TNS3: variants seen among roughly 807,000 people sequenced by gnomAD.
The protein encoded by TNS3 is tensin 3.
A neutral mutation model predicts 140.9 loss-of-function variants in TNS3; 45 were observed. The ratio of observed to expected loss-of-function variants is 0.32; its 90% CI spans 0.25 to 0.41. The LOEUF is 0.41. Among genes scored for constraint, TNS3 ranks in the 10% least tolerant of loss-of-function variants. TNS3 has a pLI of 1.00. For missense variants in TNS3, 1,716 were observed against 1,906.7 expected, an observed-to-expected ratio of 0.90 and a Z score of 1.86; for synonymous variants, 815 against 788.4, an observed-to-expected ratio of 1.03 and a Z score of -0.56.
At chr7:47,538,970 G>A (rs1262741650) in intron 1 of TNS3, 1 of 455,196 alleles carries the variant, frequency 2.2e-6, no homozygotes, top group African/African-American at 2.0e-5. Context: ...ACAATACCAG[G>A]TACATAGCAG....
At chr7:47,469,973 CAAAAAAA>C (rs144012426) in intron 4 of TNS3, among the ~76,000 whole-genome samples, 29 of 64,882 alleles carry the variant, frequency 4.5e-4, no homozygotes, top group African/African-American at 2.1e-3. Flanking sequence ...AACTCTGTCT[CAAAAAAA>C]AAAAAAAAAA....
intron 6 of TNS3, among the ~76,000 whole-genome samples, chr7:47,438,202 C>A (rs900145206): frequency 2.0e-5 from 3 of 152,114 alleles, no homozygotes; most frequent in Admixed American, 2.0e-4. Flanking sequence ...CAAGGGGGGG[C>A]GCTGCTTTGT....
intron 1 of TNS3, among the ~76,000 whole-genome samples, chr7:47,531,819 C>T (rs1799414637): frequency 6.6e-6 from 1 of 152,204 alleles, no homozygotes; most frequent in Admixed American, 6.5e-5. Context: ...ACTGCAGCTG[C>T]CCAAACTGCA....
Position 47,303,497 on chromosome 7 carries a change from G to A in TNS3, c.2910C>T (p.Pro970=), listed in dbSNP as rs772630796. ...LLGSGRPTGS[P]LSAEFSGTRK... The stretch of plus-strand genomic sequence containing the variant: ...TGGTACCGGAGAACTCAGCGCTGAG[G>A]GGACTTCCGGTGGGCCGGCCGCTCC... The change falls in exon 22 of 31, where the codon CCC becomes CCT. Residue 970 remains proline, a synonymous_variant. Coordinates refer to ENST00000311160, the MANE Select transcript of TNS3 (RefSeq NM_022748.12). The A allele has an allele frequency of 4.3e-6, 7 of 1,609,866 alleles. No homozygotes were observed. In the African/African-American group the frequency reaches 9.3e-5, roughly 21 times the overall value.
At chr7:47,442,445 T>G (rs1303947697) in intron 4 of TNS3, among the ~76,000 whole-genome samples, 1 of 152,238 alleles carries the variant, frequency 6.6e-6, no homozygotes, top group Non-Finnish European at 1.5e-5. Context: ...ATGAGTGACT[T>G]TCAGGAATTC....
chr7:47,302,451 A>G (rs554727922), intron 22 of TNS3, among the ~76,000 whole-genome samples, 179 bp from the exon 23 acceptor site: 1 of 152,350 alleles, frequency 6.6e-6, no homozygotes, highest in African/African-American at 2.4e-5. Context: ...TGACTGTTTT[A>G]TAACACAAAA....
chr7:47,569,862 G>T (rs1800513892), intron 1 of TNS3, among the ~76,000 whole-genome samples: 2 of 146,414 alleles, frequency 1.4e-5, no homozygotes, highest in South Asian at 2.2e-4. Flanking sequence ...TCAATAAAAA[G>T]AATAGGTCGG....
At chr7:47,574,614 G>A (rs1004043821) in intron 1 of TNS3, among the ~76,000 whole-genome samples, 1 of 134,726 alleles carries the variant, frequency 7.4e-6, no homozygotes, top group African/African-American at 2.7e-5. Flanking sequence ...AACAAAATGT[G>A]CTATTCATAC....
intron 1 of TNS3, among the ~76,000 whole-genome samples, chr7:47,541,841 C>T (rs190220766): frequency 1.2e-3 from 182 of 151,690 alleles, no homozygotes; most frequent in African/African-American, 3.2e-3. Context: ...CCCAGCTACC[C>T]GGGAGGCTGA....
chr7:47,484,502 G>A (rs1379346669), intron 3 of TNS3, among the ~76,000 whole-genome samples: 1 of 152,180 alleles, frequency 6.6e-6, no homozygotes, highest in Non-Finnish European at 1.5e-5. Flanking sequence ...GAGGCGGCCG[G>A]GCTGGGGATG....
intron 20 of TNS3, among the ~76,000 whole-genome samples, chr7:47,334,445 A>C (rs2150935126): frequency 6.6e-6 from 1 of 152,310 alleles, no homozygotes; most frequent in Admixed American, 6.5e-5. Flanking sequence ...TAGGATAAGG[A>C]TGCTCTGGAA....
chr7:47,441,625 A>G (rs538679642), intron 5 of TNS3, among the ~76,000 whole-genome samples: 16 of 152,340 alleles, frequency 1.1e-4, no homozygotes, highest in African/African-American at 2.6e-4. Flanking sequence ...AGCGCTTCCT[A>G]CGGTCATGAG....
In TNS3 at chr7:47,435,469, A is replaced by G. The variant is rs1163397819; in HGVS notation, c.202-65T>C. ...TAAAACCTTCTGAGGCCATCTCACAATGACTTCTTTCATCATCAGTACATT... is the reference window on the plus strand; with the variant it reads ...TAAAACCTTCTGAGGCCATCTCACAGTGACTTCTTTCATCATCAGTACATT... On this transcript the variant is annotated intron_variant, in intron 7 of 30. Transcript: ENST00000311160. 9 of 1,601,150 alleles carry G rather than the reference A, an allele frequency of 5.6e-6. No individual in the cohort carries two copies. In the East Asian group the frequency reaches 8.9e-5, roughly 16 times the overall value.
intron 15 of TNS3, among the ~76,000 whole-genome samples, chr7:47,398,351 A>G (rs909297166): frequency 1.3e-5 from 2 of 151,808 alleles, no homozygotes; most frequent in Non-Finnish European, 2.9e-5. Context: ...CTAGGAAAGA[A>G]TATAACAAAC....
chr7:47,511,863 G>A (rs370608742), intron 2 of TNS3, among the ~76,000 whole-genome samples: 18 of 152,178 alleles, frequency 1.2e-4, no homozygotes, highest in Admixed American at 2.0e-4. Context: ...GGAGCCTGCC[G>A]GCCGCTGCAC....
intron 17 of TNS3, among the ~76,000 whole-genome samples, chr7:47,367,583 G>C (rs760340858): frequency 1.4e-4 from 22 of 152,206 alleles, no homozygotes; most frequent in Non-Finnish European, 2.4e-4. Flanking sequence ...GACATGTGCA[G>C]TCCTGGCCTC....
chr7:47,401,487 G>C (rs1045297139), intron 13 of TNS3, among the ~76,000 whole-genome samples: 3 of 152,228 alleles, frequency 2.0e-5, no homozygotes, highest in African/African-American at 7.2e-5. Flanking sequence ...GAGGGAGACA[G>C]AGAGGGTGTT....
chr7:47,509,187 C>T (rs919808074), intron 2 of TNS3, among the ~76,000 whole-genome samples: 12 of 152,184 alleles, frequency 7.9e-5, no homozygotes, highest in Admixed American at 2.0e-4. Context: ...TACTCGGCCA[C>T]CAGACAGCCA....
chr7:47,386,812 A>G (rs148055212), intron 16 of TNS3, among the ~76,000 whole-genome samples: 1 of 152,386 alleles, frequency 6.6e-6, no homozygotes, highest in African/African-American at 2.4e-5. Flanking sequence ...CTTTTCTTAC[A>G]TAACAGCACA....
Sources: allele counts gnomAD v4.1 joint callset (sites outside exome capture counted in the v4.1 genomes callset), GRCh38; gene constraint gnomAD v4.1.1; transcripts MANE v1.5; gene names NCBI Gene and HGNC (gene_info 2026-07-23, HGNC 2026-07-21).